Variants in STXBP5L observed in about 807,000 individuals in gnomAD.
STXBP5L encodes the protein syntaxin binding protein 5L.
STXBP5L carries 65 observed loss-of-function variants against 144.5 expected under a neutral mutation model. The observed-to-expected ratio is 0.45, with a 90% CI of 0.37 to 0.55. The LOEUF is 0.55. STXBP5L is among the 20% of genes least tolerant of loss of function. The probability of loss-of-function intolerance (pLI) is 0.00; values close to 1 mark genes in which losing one functional copy is unlikely to be tolerated. For missense variants in STXBP5L, 1,298 were observed against 1,405.5 expected (o/e 0.92, Z 1.22); for synonymous variants, 505 against 469.6 (o/e 1.08, Z -0.97).
intron 3 of STXBP5L, among the ~76,000 whole-genome samples, chr3:120,992,461 C>T (rs1440595930): frequency 6.6e-6 from 1 of 152,006 alleles, no homozygotes; most frequent in Non-Finnish European, 1.5e-5. Context: ...CCCATGCAGC[C>T]TTCCTCACCT....
chr3:121,110,802 G>A (rs2043948174), intron 5 of STXBP5L, among the ~76,000 whole-genome samples: 1 of 152,176 alleles, frequency 6.6e-6, no homozygotes, highest in Admixed American at 6.5e-5. Context: ...AGTTCTTGTG[G>A]ATGATATCTT....
chr3:121,309,410 C>A (rs1252697490), intron 19 of STXBP5L, among the ~76,000 whole-genome samples: 1 of 151,864 alleles, frequency 6.6e-6, no homozygotes, highest in Non-Finnish European at 1.5e-5. Context: ...TAAAAAGTGA[C>A]CTTTTATAAT....
At chr3:121,356,909 T>A (rs552523339) in intron 20 of STXBP5L, 144 of 154,794 alleles carry the variant, frequency 9.3e-4, no homozygotes, top group Middle Eastern at 3.2e-3. Flanking sequence ...TTCAAGGGAC[T>A]GGTCAGTCTT....
intron 3 of STXBP5L, among the ~76,000 whole-genome samples, chr3:120,969,768 A>C (rs1026032582): frequency 6.6e-6 from 1 of 151,392 alleles, no homozygotes; most frequent in Non-Finnish European, 1.5e-5. Flanking sequence ...TGTGGCTTGC[A>C]CTCTTTTAAT....
intron 9 of STXBP5L, among the ~76,000 whole-genome samples, chr3:121,186,773 C>G (rs2047400196): frequency 6.6e-6 from 1 of 152,020 alleles, no homozygotes; most frequent in African/African-American, 2.4e-5. Context: ...AGACGCTTCT[C>G]AAAAGAAGAC....
At chr3:121,387,720 G>A (rs1408423847) in intron 22 of STXBP5L, among the ~76,000 whole-genome samples, 2 of 151,810 alleles carry the variant, frequency 1.3e-5, no homozygotes, top group Non-Finnish European at 2.9e-5. Context: ...GTGTAGATGT[G>A]TGATGTTATT....
chr3:121,015,268 T>TA (rs1156698232), intron 3 of STXBP5L, among the ~76,000 whole-genome samples: 2 of 152,210 alleles, frequency 1.3e-5, no homozygotes, highest in African/African-American at 4.8e-5. Context: ...AAAAATCAGT[T>TA]AATTAGATTT....
intron 5 of STXBP5L, among the ~76,000 whole-genome samples, chr3:121,051,327 T>A (rs1473920203): frequency 6.6e-6 from 1 of 152,044 alleles, no homozygotes; most frequent in East Asian, 1.9e-4. Context: ...ATTGACCACA[T>A]AGTTGGAAGT....
intron 9 of STXBP5L, among the ~76,000 whole-genome samples, chr3:121,205,579 T>C (rs1044219654): frequency 2.8e-4 from 42 of 152,222 alleles, no homozygotes; most frequent in African/African-American, 9.6e-4. Flanking sequence ...GATAAGTATG[T>C]ATGTGTGGTC....
At chr3:120,973,049 C>T (rs563659531) in intron 3 of STXBP5L, among the ~76,000 whole-genome samples, 2 of 151,802 alleles carry the variant, frequency 1.3e-5, no homozygotes, top group African/African-American at 4.8e-5. Context: ...GTTGTGTGTC[C>T]CTGCCTGGCT....
At chr3:121,258,992 T>C in intron 17 of STXBP5L, 51 bp from the exon 18 acceptor site, 1 of 1,482,656 alleles carries the variant, frequency 6.7e-7, no homozygotes, top group Non-Finnish European at 9.0e-7. Context: ...AAGATAAGTT[T>C]GACCATGTTT....
intron 3 of STXBP5L, among the ~76,000 whole-genome samples, chr3:120,959,998 T>C (rs1355628043): frequency 2.0e-5 from 3 of 152,090 alleles, no homozygotes; most frequent in Admixed American, 2.0e-4. Flanking sequence ...ATTTTTGCAA[T>C]CTACCTATCT....
intron 19 of STXBP5L, among the ~76,000 whole-genome samples, chr3:121,302,485 C>A (rs2051957420): frequency 6.6e-6 from 1 of 151,894 alleles, no homozygotes; most frequent in South Asian, 2.1e-4. Flanking sequence ...TGATCTTTTC[C>A]AAAAACCAGC....
intron 10 of STXBP5L, among the ~76,000 whole-genome samples, chr3:121,221,874 T>TAA (rs879609263): frequency 2.7e-5 from 4 of 147,658 alleles, no homozygotes; most frequent in Non-Finnish European, 6.0e-5. Flanking sequence ...GAAGCTTTGT[T>TAA]AAAAAAAAAA....
At chr3:121,102,541 AC>A in intron 5 of STXBP5L, among the ~76,000 whole-genome samples, 1 of 152,192 alleles carries the variant, frequency 6.6e-6, no homozygotes, top group Non-Finnish European at 1.5e-5. Context: ...TCTACCATAC[AC>A]AAAAATTAAC....
At chr3:120,993,930 C>T (rs1943134218) in intron 3 of STXBP5L, among the ~76,000 whole-genome samples, 1 of 152,002 alleles carries the variant, frequency 6.6e-6, no homozygotes, top group Admixed American at 6.6e-5. Context: ...AATTCATGAG[C>T]ATGGGATATG....
At chr3:121,005,882 T>C (rs1361130408) in intron 3 of STXBP5L, among the ~76,000 whole-genome samples, 1 of 152,230 alleles carries the variant, frequency 6.6e-6, no homozygotes, top group Non-Finnish European at 1.5e-5. Flanking sequence ...TTCTTAATCC[T>C]GACTTCTAGT....
intron 5 of STXBP5L, among the ~76,000 whole-genome samples, chr3:121,095,924 C>A (rs1402314186): frequency 1.3e-5 from 2 of 152,132 alleles, no homozygotes; most frequent in African/African-American, 4.8e-5. Flanking sequence ...ATTTTATCTA[C>A]CTTTGGTCTT....
intron 3 of STXBP5L, among the ~76,000 whole-genome samples, chr3:120,996,789 C>A (rs191566818): frequency 6.9e-4 from 105 of 152,150 alleles, no homozygotes; most frequent in Non-Finnish European, 1.3e-3. Context: ...GAGAGAAATT[C>A]CCACTTTTCT....
Sources: gnomAD v4.1 joint callset for allele counts (sites outside exome capture counted in the v4.1 genomes callset) on GRCh38, gnomAD v4.1.1 for gene constraint, MANE v1.5 for transcripts, NCBI Gene and HGNC (gene_info 2026-07-23, HGNC 2026-07-21) for gene names.